Variants in EVI5 observed in about 807,000 individuals in gnomAD.
The protein encoded by EVI5 is ecotropic viral integration site 5 protein homolog.
In EVI5, 73 loss-of-function variants were observed where a neutral mutation model predicts 112.0. That is an observed-to-expected ratio of 0.65 (90% CI 0.54 to 0.79). The LOEUF is 0.79. Ranked by LOEUF, EVI5 falls within the 30% of genes least tolerant of loss-of-function variation. The pLI is 0.00. For synonymous variants in EVI5, 305 were observed against 319.9 expected, an observed-to-expected ratio of 0.95 and a Z score of 0.50; for missense variants, 900 against 968.8, an observed-to-expected ratio of 0.93 and a Z score of 0.94.
chr1:92,783,808 CAAAAAA>C lies in EVI5; in HGVS notation c.-82+1022_-82+1027del, dbSNP rs58484805. Among the ~76,000 whole-genome samples, 7 of 94,262 alleles carry C rather than the reference CAAAAAA, an allele frequency of 7.4e-5. No individual in the cohort carries two copies. In the South Asian group the frequency reaches 1.2e-3, roughly 16 times the overall value. 61.8% of individuals were successfully genotyped at this position (94,262 alleles called of 152,430 possible). On this transcript the variant is annotated intron_variant, in intron 1 of 19. Transcript: ENST00000684568. ...CTGGCGACAGAGCGAGACTCCCTGT[CAAAAAA>C]AAAAAAAAAAAAGAAAAGAAAAGAA...
chr1:92,590,877 C>G (rs1355110366), intron 18 of EVI5, among the ~76,000 whole-genome samples: 1 of 152,198 alleles, frequency 6.6e-6, no homozygotes, highest in Non-Finnish European at 1.5e-5. Flanking sequence ...GGTCGGGTTA[C>G]CCACAAAGGG....
chr1:92,612,624 C>T (rs766560409), intron 16 of EVI5, among the ~76,000 whole-genome samples: 11 of 150,530 alleles, frequency 7.3e-5, no homozygotes, highest in Non-Finnish European at 1.2e-4. Context: ...GCAGAAGAAT[C>T]GCTTCAACCC....
chr1:92,666,009 A>C lies in EVI5; in HGVS notation c.1159-17T>G. On this transcript the variant is annotated splice_polypyrimidine_tract_variant and intron_variant, in intron 10 of 19. Coordinates refer to ENST00000684568, the MANE Select transcript of EVI5 (RefSeq NM_001350197.2). Reference sequence around the variant, plus strand: ...GCGTAACCTCTGCCAAGAAAAAAAAAGTTTTATTTGCAAGCATTTTTGAGA... The same window carrying C: ...GCGTAACCTCTGCCAAGAAAAAAAACGTTTTATTTGCAAGCATTTTTGAGA... 1 of 1,575,840 alleles carries C rather than the reference A, an allele frequency of 6.3e-7. No individual in the cohort carries two copies. Among genetic ancestry groups the C allele is most frequent in the Non-Finnish European group, 8.6e-7 (1 of 1,160,072 alleles).
chr1:92,679,545 AT>A (rs765092551), intron 9 of EVI5, among the ~76,000 whole-genome samples: 30 of 152,322 alleles, frequency 2.0e-4, no homozygotes, highest in South Asian at 8.3e-4. Context: ...TTAAAAAAAA[AT>A]ATTTGGTTTA....
intron 1 of EVI5, among the ~76,000 whole-genome samples, chr1:92,741,963 A>T (rs1197301170): frequency 6.6e-6 from 1 of 152,208 alleles, no homozygotes; most frequent in Non-Finnish European, 1.5e-5. Flanking sequence ...AGGAAAAAAA[A>T]GATAAATTGG....
intron 1 of EVI5, among the ~76,000 whole-genome samples, chr1:92,739,535 T>C (rs1050611388): frequency 6.6e-6 from 1 of 152,104 alleles, no homozygotes; most frequent in Non-Finnish European, 1.5e-5. Flanking sequence ...TGCACAACCT[T>C]GTGAATATAA....
upstream of EVI5, among the ~76,000 whole-genome samples, chr1:92,789,911 C>T (rs540704933): frequency 1.7e-4 from 26 of 152,306 alleles, no homozygotes; most frequent in African/African-American, 6.3e-4. Flanking sequence ...TCCTCCCTCA[C>T]CCTGGGAGCT....
rs567855701 is a variant in EVI5 at position 92,617,452 on chromosome 1, T to C, written c.1827+6724A>G. On this transcript the variant is annotated intron_variant, in intron 16 of 19. Transcript: ENST00000684568. ...TCCCATGTGAGTGCTCACCAACGGG[T>C]GACCTCAGCAGAGGAGGAGTTTAAT... 2.0e-5 allele frequency among the ~76,000 whole-genome samples: 3 copies of C among 152,226 alleles called. No individual in the cohort carries two copies. In the South Asian group the frequency reaches 6.2e-4, roughly 32 times the overall value.
intron 9 of EVI5, among the ~76,000 whole-genome samples, chr1:92,684,983 C>T (rs756464865): frequency 1.3e-4 from 20 of 151,894 alleles, no homozygotes; most frequent in East Asian, 3.9e-4. Flanking sequence ...ACTGTCAATA[C>T]TAGACAGATC....
intron 1 of EVI5, among the ~76,000 whole-genome samples, chr1:92,774,524 T>C (rs764838444): frequency 7.2e-5 from 11 of 152,182 alleles, no homozygotes; most frequent in Non-Finnish European, 1.3e-4. Flanking sequence ...CGCTTTCCTA[T>C]GAACAAACAA....
chr1:92,658,804 G>C (rs1663465349), intron 13 of EVI5, among the ~76,000 whole-genome samples: 1 of 152,170 alleles, frequency 6.6e-6, no homozygotes, highest in African/African-American at 2.4e-5. Context: ...CAATACTGGA[G>C]ATATTGCATT....
At chr1:92,609,929 G>A (rs1267101316) in intron 16 of EVI5, among the ~76,000 whole-genome samples, 1 of 151,380 alleles carries the variant, frequency 6.6e-6, no homozygotes, top group Non-Finnish European at 1.5e-5. Flanking sequence ...CTGTTGCCCA[G>A]GCTAGAGTGC....
chr1:92,783,808 C>CAA (rs58484805), intron 1 of EVI5, among the ~76,000 whole-genome samples: 5 of 94,302 alleles, frequency 5.3e-5, no homozygotes, highest in African/African-American at 1.2e-4. Flanking sequence ...GACTCCCTGT[C>CAA]AAAAAAAAAA....
chr1:92,777,237 G>A (rs993088483), intron 1 of EVI5, among the ~76,000 whole-genome samples: 2 of 152,204 alleles, frequency 1.3e-5, no homozygotes, highest in East Asian at 1.9e-4. Context: ...CACCACGCCC[G>A]GCCCATTATG....
At chr1:92,743,282 G>A (rs1678713054) in intron 1 of EVI5, among the ~76,000 whole-genome samples, 1 of 152,158 alleles carries the variant, frequency 6.6e-6, no homozygotes, top group South Asian at 2.1e-4. Flanking sequence ...GAACCCAGGA[G>A]GCGGAGGTTG....
At chr1:92,723,745 G>A (rs542846472) in intron 2 of EVI5, among the ~76,000 whole-genome samples, 26 of 152,168 alleles carry the variant, frequency 1.7e-4, no homozygotes, top group Non-Finnish European at 3.7e-4. Flanking sequence ...GACTGCTTGC[G>A]GGGTCGAGCA....
In EVI5 at chr1:92,773,177, G is replaced by C. The variant is rs180866068; in HGVS notation, c.-82+11659C>G. Among the ~76,000 whole-genome samples, 564 of 136,300 alleles carry C rather than the reference G, an allele frequency of 4.1e-3. 12 individuals carry two copies. The highest frequency in any genetic ancestry group is 0.04 in the Admixed American group (509 of 12,614). The allele number at this position is 136,300 out of a possible 152,430, so 89.4% of individuals were successfully genotyped here. On this transcript the variant is annotated intron_variant, in intron 1 of 19. Transcript: ENST00000684568. ...GCCGAGATCGTGCCATTGCACTCCAGCCTGAGCAACAGGCTGTCTCAAAAA... is the reference window on the plus strand; with the variant it reads ...GCCGAGATCGTGCCATTGCACTCCACCCTGAGCAACAGGCTGTCTCAAAAA...
At chr1:92,524,347 T>C (rs543105832) in intron 19 of EVI5, among the ~76,000 whole-genome samples, 1 of 152,308 alleles carries the variant, frequency 6.6e-6, no homozygotes, top group South Asian at 2.1e-4. Flanking sequence ...TAAATTTAGA[T>C]GTAAAGATTC....
chr1:92,641,038 G>A (rs1659861820), intron 13 of EVI5, among the ~76,000 whole-genome samples: 1 of 152,088 alleles, frequency 6.6e-6, no homozygotes, highest in African/African-American at 2.4e-5. Flanking sequence ...ATGGACACAG[G>A]GGAGAGAACA....
Sources: allele counts gnomAD v4.1 joint callset (sites outside exome capture counted in the v4.1 genomes callset), GRCh38; gene constraint gnomAD v4.1.1; transcripts MANE v1.5; gene names NCBI Gene and HGNC (gene_info 2026-07-23, HGNC 2026-07-21).